Variants in NAGK observed in about 807,000 individuals in gnomAD.
NAGK encodes N-acetyl-D-glucosamine kinase.
NAGK carries 35 observed loss-of-function variants against 42.9 expected under a neutral mutation model. The ratio of observed to expected loss-of-function variants is 0.82; its 90% CI spans 0.62 to 1.08. NAGK has a LOEUF of 1.08. Among genes scored for constraint, NAGK ranks in the 50% least tolerant of loss-of-function variants. NAGK has a pLI of 0.00. For missense variants in NAGK, 446 were observed against 446.0 expected (o/e 1.00, Z 0.00); for synonymous variants, 172 against 176.0 (o/e 0.98, Z 0.18).
chr2:71,079,527 A>G lies in NAGK; in HGVS notation c.*1019A>G. ...CCGGGCACGGTGGCTCACGCCTGTAATCCCAGCACTTTGGGAGGCCGAGGC... is the reference window on the plus strand; with the variant it reads ...CCGGGCACGGTGGCTCACGCCTGTAGTCCCAGCACTTTGGGAGGCCGAGGC... On this transcript the variant is annotated 3_prime_UTR_variant, in exon 10 of 10. Coordinates refer to ENST00000244204, the MANE Select transcript of NAGK (RefSeq NM_017567.6). The G allele has an allele frequency of 6.6e-6, 1 of 152,406 alleles. No homozygotes were observed. Among genetic ancestry groups the G allele is most frequent in the Non-Finnish European group, 1.5e-5 (1 of 68,110 alleles). The allele number at this position is 152,406 out of a possible 1,614,324, so 9.4% of individuals were successfully genotyped here. A position where few individuals can be genotyped will look rare whatever the true frequency, so the allele number is the denominator to read the frequency against.
chr2:71,070,628 T>G, intron 2 of NAGK, 42 bp downstream of exon 2: 2 of 1,607,162 alleles, frequency 1.2e-6, no homozygotes, highest in Non-Finnish European at 1.7e-6. Flanking sequence ...TGGTTCTGAT[T>G]TTATTCTCTG....
At chr2:71,076,781 C>A in intron 8 of NAGK, 80 bp downstream of exon 8, 2 of 1,158,052 alleles carry the variant, frequency 1.7e-6, no homozygotes, top group Non-Finnish European at 2.6e-6. Context: ...ACTATCCCAT[C>A]AAACCCTGCA....
chr2:71,068,557 CA>C, upstream of NAGK: 1 of 1,502,738 alleles, frequency 6.7e-7, no homozygotes, highest in Non-Finnish European at 8.9e-7. Context: ...TGCGCACGCG[CA>C]CAGGGAGTCA....
At chr2:71,072,542 C>G in intron 4 of NAGK, 99 bp from the exon 5 acceptor site, 1 of 981,196 alleles carries the variant, frequency 1.0e-6, no homozygotes, top group African/African-American at 1.6e-5. Context: ...TGGTGATTCC[C>G]TTGCCTGGGG....
upstream of NAGK, chr2:71,068,537 GC>G: frequency 6.8e-7 from 1 of 1,468,128 alleles, no homozygotes; most frequent in Non-Finnish European, 9.0e-7. Context: ...CCGGCGCCCC[GC>G]CCCGCGCATG....
upstream of NAGK, chr2:71,068,341 G>C: frequency 1.6e-6 from 1 of 641,614 alleles, no homozygotes; most frequent in Non-Finnish European, 2.4e-6. Flanking sequence ...AGGCAGGTCA[G>C]TGATGTGTCC....
At chr2:71,077,513 A>T in intron 8 of NAGK, 45 bp from the exon 9 acceptor site, 1 of 1,557,802 alleles carries the variant, frequency 6.4e-7, no homozygotes, top group East Asian at 2.4e-5. Context: ...TCAGCACTGG[A>T]GAGGCTAGGT....
At chr2:71,069,708 A>AT (rs1426229010) in intron 1 of NAGK, 1 of 154,620 alleles carries the variant, frequency 6.5e-6, no homozygotes, top group East Asian at 1.9e-4. Flanking sequence ...CACCTCATGT[A>AT]TTAACTACCC....
intron 1 of NAGK, chr2:71,070,301 C>G: frequency 2.0e-6 from 1 of 501,272 alleles, no homozygotes; most frequent in Non-Finnish European, 3.7e-6. Context: ...GAGGACATCC[C>G]CAAGGGAAGA....
At chr2:71,069,817 A>G (rs1671930985) in intron 1 of NAGK, 1 of 154,928 alleles carries the variant, frequency 6.5e-6, no homozygotes, top group African/African-American at 2.4e-5. Context: ...CATATATCCC[A>G]TCACCACAGA....
In NAGK at chr2:71,075,622, T is replaced by A. The variant is rs750279479; in HGVS notation, c.647T>A (p.Phe216Tyr). ...TTTGATAAATGCAGGTTTGCTGGGT[T>A]TTGCCGGAAAATTGCAGAAGGTACT... ...RDFDKCRFAG[F>Y]CRKIAEGAQQ... Residue 216 changes from phenylalanine to tyrosine, a missense_variant, in exon 7 of 10, where the codon TTT becomes TAT. Transcript: ENST00000244204. 4 of 1,613,908 alleles carry A rather than the reference T, an allele frequency of 2.5e-6. No homozygotes were observed. The South Asian group carries it at 4.4e-5, about 18-fold the overall frequency.
At position 71,071,673 on chromosome 2, in the gene NAGK, C is replaced by T. The variant is rs774776434; in HGVS notation, c.214-13C>T. On this transcript the variant is annotated splice_polypyrimidine_tract_variant and intron_variant, in intron 3 of 9. Transcript: ENST00000244204. ...GGGGCTCTGCACACTCGCTCACCTCCCGCGTGGCCTAGGGCCTATCTCTGA... is the reference window on the plus strand; with the variant it reads ...GGGGCTCTGCACACTCGCTCACCTCTCGCGTGGCCTAGGGCCTATCTCTGA... The T allele has an allele frequency of 1.4e-5, 22 of 1,608,440 alleles. No homozygotes were observed. Among genetic ancestry groups the T allele is most frequent in the Non-Finnish European group, 3.4e-6 (4 of 1,177,648 alleles).
At chr2:71,077,276 C>T (rs1672244654) in intron 8 of NAGK, among the ~76,000 whole-genome samples, 1 of 152,218 alleles carries the variant, frequency 6.6e-6, no homozygotes, top group Admixed American at 6.5e-5. Flanking sequence ...CCCTTTCTTT[C>T]AGTTAATTTC....
chr2:71,076,613 A>C lies in NAGK; in HGVS notation c.677A>C (p.Gln226Pro), dbSNP rs778377511. The change falls in exon 8 of 10, where the codon CAG (glutamine) becomes CCG (proline). Residue 226 changes from glutamine to proline, a missense_variant. Coordinates refer to ENST00000244204, the MANE Select transcript of NAGK (RefSeq NM_017567.6). ...FCRKIAEGAQ[Q>P]GDPLSRYIFR... ...GTCCTCCCTACCCCAGGTGCTCAGC[A>C]GGGAGACCCCCTTTCCCGCTATATC... 1.2e-6 allele frequency: 2 copies of C among 1,613,224 alleles called. No individual in the cohort carries two copies. Among genetic ancestry groups the C allele is most frequent in the Non-Finnish European group, 1.7e-6 (2 of 1,179,346 alleles).
At chr2:71,073,641 T>C (rs1382063332) in intron 6 of NAGK, 47 bp downstream of exon 6, 1 of 1,446,532 alleles carries the variant, frequency 6.9e-7, no homozygotes, top group African/African-American at 1.4e-5. Context: ...GGTAGGGCAG[T>C]GAAACACTCC....
chr2:71,070,713 A>G, intron 2 of NAGK, 28 bp from the exon 3 acceptor site: 8 of 1,613,874 alleles, frequency 5.0e-6, no homozygotes, highest in Middle Eastern at 1.6e-4. Context: ...AAGCCTTTGT[A>G]ACTCCTTCTT....
intron 6 of NAGK, chr2:71,075,193 G>A (rs575123566): frequency 6.8e-4 from 122 of 179,478 alleles, no homozygotes; most frequent in Middle Eastern, 5.0e-3. Context: ...AGCTACTCAG[G>A]AGGCTGACGT....
At chr2:71,074,569 T>C (rs1050111649) in intron 6 of NAGK, 3 of 152,226 alleles carry the variant, frequency 2.0e-5, no homozygotes, top group African/African-American at 7.2e-5. Flanking sequence ...GCTTACTACA[T>C]TGCTGTAGGT....
Position 71,072,686 on chromosome 2 carries a change from T to C in NAGK, c.401T>C (p.Ile134Thr). The change falls in exon 5 of 10, where the codon ATC (isoleucine) becomes ACC (threonine). Residue 134 changes from isoleucine to threonine, a missense_variant. By Grantham distance (89) the Ile-to-Thr change is moderately conservative. Transcript: ENST00000244204. Reference sequence around the variant, plus strand: ...GGAACAGGCTCCAACTGCAGGCTCATCAACCCTGATGGCTCCGAGAGTGGC... The same window carrying C: ...GGAACAGGCTCCAACTGCAGGCTCACCAACCCTGATGGCTCCGAGAGTGGC... ...ISGTGSNCRL[I>T]NPDGSESGCG... 3.7e-6 allele frequency: 6 copies of C among 1,614,138 alleles called. No homozygotes were observed. The highest frequency in any genetic ancestry group is 5.1e-6 in the Non-Finnish European group (6 of 1,179,990).
Sources: allele counts gnomAD v4.1 joint callset (sites outside exome capture counted in the v4.1 genomes callset), GRCh38; gene constraint gnomAD v4.1.1; transcripts MANE v1.5; gene names NCBI Gene and HGNC (gene_info 2026-07-23, HGNC 2026-07-21).